Variants in MECOM observed in about 807,000 individuals in gnomAD.
The protein encoded by MECOM is MDS1 and EVI1 complex locus.
A neutral mutation model predicts 116.3 loss-of-function variants in MECOM; 13 were observed. The observed-to-expected ratio is 0.11, with a 90% CI of 0.07 to 0.18. The LOEUF (loss-of-function observed/expected upper bound fraction) is 0.18, where lower values mean the gene tolerates loss of function less well. Among genes scored for constraint, MECOM ranks in the 10% least tolerant of loss-of-function variants. The pLI is 1.00. For synonymous variants in MECOM, 528 were observed against 535.2 expected, an observed-to-expected ratio of 0.99 and a Z score of 0.19; for missense variants, 1,299 against 1,509.0, an observed-to-expected ratio of 0.86 and a Z score of 2.31.
chr3:169,639,751 TTAAGA>T (rs1168137476), intron 1 of MECOM, among the ~76,000 whole-genome samples: 2 of 152,228 alleles, frequency 1.3e-5, no homozygotes, highest in East Asian at 1.9e-4. Context: ...ACCCCAAGTA[TTAAGA>T]TAGGATATAT....
intron 2 of MECOM, among the ~76,000 whole-genome samples, chr3:169,291,249 G>A (rs1221500618): frequency 6.6e-6 from 1 of 152,074 alleles, no homozygotes; most frequent in African/African-American, 2.4e-5. Context: ...ACTTGAATAA[G>A]CCCAGCTCCC....
chr3:169,314,710 G>T (rs1157966892), intron 2 of MECOM, among the ~76,000 whole-genome samples: 1 of 151,846 alleles, frequency 6.6e-6, no homozygotes, highest in Non-Finnish European at 1.5e-5. Flanking sequence ...GAGTAAATGG[G>T]GAGAAAAAAA....
At chr3:169,232,027 C>T (rs1193458269) in intron 2 of MECOM, among the ~76,000 whole-genome samples, 1 of 152,100 alleles carries the variant, frequency 6.6e-6, no homozygotes, top group Non-Finnish European at 1.5e-5. Flanking sequence ...CAGCCCAACA[C>T]CATCATGAAT....
intron 2 of MECOM, among the ~76,000 whole-genome samples, chr3:169,238,183 A>G (rs1282877891): frequency 1.3e-5 from 2 of 151,624 alleles, no homozygotes; most frequent in Non-Finnish European, 2.9e-5. Context: ...TCAAAAAAAA[A>G]AAAAAAAGAA....
At chr3:169,120,577 G>A (rs996578238) in intron 7 of MECOM, among the ~76,000 whole-genome samples, 4 of 152,232 alleles carry the variant, frequency 2.6e-5, no homozygotes, top group African/African-American at 7.2e-5. Context: ...CATCCCCCTC[G>A]CTCTCTCCAC....
intron 7 of MECOM, among the ~76,000 whole-genome samples, chr3:169,118,861 G>A (rs1359708275): frequency 1.3e-5 from 2 of 152,122 alleles, no homozygotes; most frequent in Non-Finnish European, 2.9e-5. Flanking sequence ...TGTTTTCTTA[G>A]GCAGAGGCTT....
chr3:169,303,578 A>G (rs946189531), intron 2 of MECOM, among the ~76,000 whole-genome samples: 3 of 152,192 alleles, frequency 2.0e-5, no homozygotes, highest in African/African-American at 7.2e-5. Flanking sequence ...CACACAGTCC[A>G]CTTAAGGCAT....
At chr3:169,569,395 A>T (rs1239300902) in intron 1 of MECOM, among the ~76,000 whole-genome samples, 1 of 151,974 alleles carries the variant, frequency 6.6e-6, no homozygotes, top group Non-Finnish European at 1.5e-5. Flanking sequence ...AGACTTTAAC[A>T]CCCCACTGTC....
chr3:169,487,566 A>C (rs780078342), intron 1 of MECOM, among the ~76,000 whole-genome samples: 2 of 152,120 alleles, frequency 1.3e-5, no homozygotes, highest in African/African-American at 4.8e-5. Context: ...AATTTGGTGA[A>C]TCTTACAGGA....
chr3:169,307,045 AC>A (rs1717848653), intron 2 of MECOM, among the ~76,000 whole-genome samples: 1 of 152,248 alleles, frequency 6.6e-6, no homozygotes, highest in South Asian at 2.1e-4. Context: ...CATTTGTAAA[AC>A]AAAATTTCAG....
chr3:169,595,319 C>T lies in MECOM; in HGVS notation c.37+68017G>A, dbSNP rs76976624. 9.8e-3 allele frequency among the ~76,000 whole-genome samples: 1,492 copies of T among 152,244 alleles called. 16 individuals are homozygous for T. Among genetic ancestry groups the T allele is most frequent in the Non-Finnish European group, 0.017 (1,152 of 68,002 alleles). On this transcript the variant is annotated intron_variant, in intron 1 of 16. Coordinates refer to ENST00000651503, the MANE Select transcript of MECOM (RefSeq NM_004991.4). Reference sequence around the variant, plus strand: ...AAGCATACTACCCACCAACGACTACCTAATTTAGCAGAATATATTACCTCT... The same window carrying T: ...AAGCATACTACCCACCAACGACTACTTAATTTAGCAGAATATATTACCTCT...
intron 1 of MECOM, among the ~76,000 whole-genome samples, chr3:169,426,325 A>G (rs1398240016): frequency 2.6e-5 from 4 of 152,222 alleles, no homozygotes; most frequent in Non-Finnish European, 5.9e-5. Flanking sequence ...GGGAGACCCT[A>G]GTGACACAGT....
intron 1 of MECOM, among the ~76,000 whole-genome samples, chr3:169,558,858 G>GA (rs376594167): frequency 2.0e-5 from 3 of 151,794 alleles, no homozygotes; most frequent in Non-Finnish European, 2.9e-5. Flanking sequence ...AAACCTTTGG[G>GA]AAAAAAGCAT....
Position 169,381,466 on chromosome 3 carries a change from T to C in MECOM, c.96A>G (p.Ala32=). The C allele has an allele frequency of 6.2e-7, 1 of 1,613,512 alleles. No individual in the cohort carries two copies. The highest frequency in any genetic ancestry group is 8.5e-7 in the Non-Finnish European group (1 of 1,179,674). ...GGGAGGGAGTGCTGGCTACTCCATC[T>C]GCATCTGGCATTTCTTCCAAAGGTA... ...PEIPLEEMPD[A]DGVASTPSLN... is the part of the protein sequence containing the mutation. Residue 32 remains alanine, a synonymous_variant, in exon 2 of 17, where the codon GCA becomes GCG. Transcript: ENST00000651503.
At chr3:169,550,549 T>C (rs1206979711) in intron 1 of MECOM, among the ~76,000 whole-genome samples, 1 of 152,246 alleles carries the variant, frequency 6.6e-6, no homozygotes, top group Non-Finnish European at 1.5e-5. Flanking sequence ...TAAATTTCAG[T>C]GTTCTACATA....
At chr3:169,437,928 T>C (rs1245921627) in intron 1 of MECOM, among the ~76,000 whole-genome samples, 1 of 152,208 alleles carries the variant, frequency 6.6e-6, no homozygotes, top group Non-Finnish European at 1.5e-5. Context: ...TATCAAGGGA[T>C]GTTTTATTAT....
chr3:169,446,028 A>G (rs1744570735), intron 1 of MECOM, among the ~76,000 whole-genome samples: 1 of 152,194 alleles, frequency 6.6e-6, no homozygotes, highest in Non-Finnish European at 1.5e-5. Context: ...TTGATTTTAC[A>G]GGCTCATAGG....
chr3:169,149,935 CTGTGTGTGTGTGTGTG>C (rs58944452), intron 2 of MECOM, among the ~76,000 whole-genome samples: 37 of 131,240 alleles, frequency 2.8e-4, no homozygotes, highest in Admixed American at 4.6e-4. Flanking sequence ...TTCTCTCTCT[CTGTGTGTGTGTGTGTG>C]TGTGTGTGTG....
chr3:169,102,231 A>G lies in MECOM; in HGVS notation c.2605-5T>C. 6.2e-7 allele frequency: 1 copy of G among 1,611,796 alleles called. No homozygotes were observed. Among genetic ancestry groups the G allele is most frequent in the Non-Finnish European group, 8.5e-7 (1 of 1,178,588 alleles). On this transcript the variant is annotated splice_polypyrimidine_tract_variant and splice_region_variant and intron_variant, in intron 10 of 16. Transcript: ENST00000651503. Reference sequence around the variant, plus strand: ...CATGTTTTCAATAGCTGACATCTGAAAGGTAAAAGCACAAGACCATGAAGC... The same window carrying G: ...CATGTTTTCAATAGCTGACATCTGAGAGGTAAAAGCACAAGACCATGAAGC...
Sources: allele counts gnomAD v4.1 joint callset (sites outside exome capture counted in the v4.1 genomes callset), GRCh38; gene constraint gnomAD v4.1.1; transcripts MANE v1.5; gene names NCBI Gene and HGNC (gene_info 2026-07-23, HGNC 2026-07-21).